FBLN2: variants seen among roughly 807,000 people sequenced by gnomAD.
FBLN2 encodes the protein fibulin 2.
In FBLN2, 81 loss-of-function variants were observed where a neutral mutation model predicts 123.7. That is an observed-to-expected ratio of 0.65 (90% CI 0.55 to 0.79). FBLN2 has a LOEUF of 0.79. FBLN2 is among the 30% of genes least tolerant of loss of function. The probability of loss-of-function intolerance (pLI) is 0.00; values close to 1 mark genes in which losing one functional copy is unlikely to be tolerated. For missense variants in FBLN2, 1,603 were observed against 1,681.3 expected (o/e 0.95, Z 0.81); for synonymous variants, 699 against 701.4 (o/e 1.00, Z 0.05).
intron 2 of FBLN2, among the ~76,000 whole-genome samples, chr3:13,572,867 A>G (rs564962416): frequency 6.6e-6 from 1 of 152,312 alleles, no homozygotes; most frequent in South Asian, 2.1e-4. Flanking sequence ...ATTCTGTCAC[A>G]AGAGCTGGGG....
rs769428931 is a variant in FBLN2 at position 13,571,484 on chromosome 3, C to T, written c.1129C>T (p.Pro377Ser). ...LVPTQAVPGSPRDPVKPSPHN... is the reference protein window; with the variant it reads ...LVPTQAVPGSSRDPVKPSPHN... Reference sequence around the variant, plus strand: ...CCCAACTCAGGCCGTGCCTGGCTCTCCCAGGGACCCAGTCAAGCCCAGCCC... The same window carrying T: ...CCCAACTCAGGCCGTGCCTGGCTCTTCCAGGGACCCAGTCAAGCCCAGCCC... The change falls in exon 2 of 18, where the codon CCC (proline) becomes TCC (serine). Residue 377 changes from proline to serine, a missense_variant. Physicochemically the swap from Pro to Ser is moderately conservative, Grantham distance 74. Coordinates refer to ENST00000404922, the MANE Select transcript of FBLN2 (RefSeq NM_001004019.2). The T allele has an allele frequency of 3.7e-6, 6 of 1,613,544 alleles. No homozygotes were observed. The highest frequency in any genetic ancestry group is 4.2e-6 in the Non-Finnish European group (5 of 1,179,836).
intron 2 of FBLN2, among the ~76,000 whole-genome samples, chr3:13,577,968 C>T (rs1293922250): frequency 6.6e-6 from 1 of 152,152 alleles, no homozygotes; most frequent in African/African-American, 2.4e-5. Context: ...CCCCAGTCTC[C>T]CAGTGGAGGA....
chr3:13,621,943 C>T (rs1208921196), intron 9 of FBLN2, 28 bp downstream of exon 9: 1 of 1,604,480 alleles, frequency 6.2e-7, no homozygotes, highest in Non-Finnish European at 8.5e-7. Context: ...CTGCCGCCCG[C>T]CGTCACAGCT....
At chr3:13,608,495 C>T (rs1705283031) in intron 3 of FBLN2, among the ~76,000 whole-genome samples, 1 of 152,184 alleles carries the variant, frequency 6.6e-6, no homozygotes, top group South Asian at 2.1e-4. Context: ...CCCCTCACCA[C>T]ATTCTGCAGT....
intron 2 of FBLN2, among the ~76,000 whole-genome samples, chr3:13,592,339 C>T (rs150215551): frequency 1.4e-3 from 215 of 152,196 alleles, no homozygotes; most frequent in Non-Finnish European, 2.3e-3. Context: ...GTTTTCTGGC[C>T]TCTCTTTTCT....
At chr3:13,573,124 G>A (rs952860561) in intron 2 of FBLN2, among the ~76,000 whole-genome samples, 4 of 152,130 alleles carry the variant, frequency 2.6e-5, no homozygotes, top group Non-Finnish European at 4.4e-5. Flanking sequence ...GGACAGCCCC[G>A]CACCTGGGGG....
intron 3 of FBLN2, among the ~76,000 whole-genome samples, chr3:13,609,126 C>T (rs1705302834): frequency 6.6e-6 from 1 of 152,224 alleles, no homozygotes; most frequent in Admixed American, 6.5e-5. Context: ...GCCACCTCTG[C>T]CCCAGGCAGC....
chr3:13,609,933 C>T lies in FBLN2; in HGVS notation c.1548+291C>T, dbSNP rs73814614. ...GCAATTCCCGCCCTCCCAGGGATTT[C>T]TTTCTGGCCAGGAAGACAGAGGAAG... On this transcript the variant is annotated intron_variant, in intron 4 of 17. Transcript: ENST00000404922. Among the ~76,000 whole-genome samples the T allele has an allele frequency of 9.7e-3, 1,485 of 152,358 alleles. 39 individuals carry two copies. Among genetic ancestry groups the T allele is most frequent in the African/African-American group, 0.035 (1,438 of 41,580 alleles).
chr3:13,625,943 A>G (rs978965924), intron 9 of FBLN2, among the ~76,000 whole-genome samples: 2 of 150,772 alleles, frequency 1.3e-5, no homozygotes, highest in Non-Finnish European at 3.0e-5. Context: ...GGGCCTTTAC[A>G]TCCCTGACGC....
intron 9 of FBLN2, among the ~76,000 whole-genome samples, chr3:13,623,504 C>G (rs1020646602): frequency 6.6e-6 from 1 of 152,216 alleles, no homozygotes; most frequent in African/African-American, 2.4e-5. Context: ...ATGCCCCTCG[C>G]ACACGTGTTC....
intron 16 of FBLN2, among the ~76,000 whole-genome samples, chr3:13,635,789 A>G (rs1339426708): frequency 2.0e-5 from 3 of 152,148 alleles, no homozygotes; most frequent in South Asian, 4.2e-4. Context: ...TGAGAAAGAC[A>G]AACACCCCTG....
chr3:13,597,307 CTTTG>C (rs1176644986), intron 2 of FBLN2, among the ~76,000 whole-genome samples: 1 of 152,108 alleles, frequency 6.6e-6, no homozygotes, highest in South Asian at 2.1e-4. Context: ...TCAGTACTGT[CTTTG>C]TTTGGGAGGA....
chr3:13,565,127 T>TG (rs1703706108), intron 1 of FBLN2, among the ~76,000 whole-genome samples: 1 of 152,212 alleles, frequency 6.6e-6, no homozygotes, highest in Admixed American at 6.5e-5. Context: ...CCTGGCTGAA[T>TG]GTCTCTCCGC....
intron 14 of FBLN2, 71 bp downstream of exon 14, chr3:13,630,016 C>CA (rs1344591844): frequency 4.1e-5 from 65 of 1,582,602 alleles, no homozygotes; most frequent in Non-Finnish European, 5.1e-5. Context: ...GTGGAAGGCC[C>CA]AGAGCCTTCT....
At chr3:13,584,676 G>A (rs1277783071) in intron 2 of FBLN2, among the ~76,000 whole-genome samples, 3 of 152,260 alleles carry the variant, frequency 2.0e-5, no homozygotes, top group African/African-American at 7.2e-5. Context: ...GAGCAGGGCT[G>A]ACGGGTGGAA....
At chr3:13,562,139 C>G (rs1310834535) in intron 1 of FBLN2, among the ~76,000 whole-genome samples, 3 of 152,112 alleles carry the variant, frequency 2.0e-5, no homozygotes, top group Non-Finnish European at 4.4e-5. Context: ...AGAGAAGGAG[C>G]ACCGGGTCAC....
Position 13,636,568 on chromosome 3 carries a change from C to T in FBLN2, c.3338C>T (p.Thr1113Met), listed in dbSNP as rs201796352. ...CCCAACTATGTCCAAGTCTCCAAAA[C>T]GTGAGTGTCCCCACCCCAGTCCCAG... is the stretch of plus-strand genomic sequence containing the variant. ...CPPNYVQVSKTKCERTTCHDF... is the reference protein window; with the variant it reads ...CPPNYVQVSKMKCERTTCHDF... Residue 1113 changes from threonine (T) to methionine (M), a missense_variant and splice_region_variant, in exon 17 of 18, where the codon ACG becomes ATG. Transcript: ENST00000404922. 3.9e-5 allele frequency: 63 copies of T among 1,612,976 alleles called. No individual in the cohort carries two copies. Among genetic ancestry groups the T allele is most frequent in the African/African-American group, 5.3e-5 (4 of 75,056 alleles).
intron 2 of FBLN2, among the ~76,000 whole-genome samples, chr3:13,604,493 C>T (rs900083948): frequency 1.3e-5 from 2 of 152,158 alleles, no homozygotes; most frequent in African/African-American, 2.4e-5. Flanking sequence ...AATAGGGAAT[C>T]GTTTTCCCAT....
At chr3:13,617,759 CCTACCCATCCACCCACCCATCCAT>C (rs1229003793) in intron 5 of FBLN2, among the ~76,000 whole-genome samples, 10 of 116,866 alleles carry the variant, frequency 8.6e-5, no homozygotes, top group African/African-American at 2.9e-4. Flanking sequence ...CATTCATTCA[CCTACCCATCCACCCACCCATCCAT>C]CTACCCATCC....
Sources: allele counts gnomAD v4.1 joint callset (sites outside exome capture counted in the v4.1 genomes callset), GRCh38; gene constraint gnomAD v4.1.1; transcripts MANE v1.5; gene names NCBI Gene and HGNC (gene_info 2026-07-23, HGNC 2026-07-21).